The following BNIP2 variants were observed in gnomAD, a reference collection of about 807,000 sequenced individuals.
The protein encoded by BNIP2 is BCL2 interacting protein 2.
Under a neutral mutation model 43.4 loss-of-function variants are expected in BNIP2, and 36 were observed. The ratio of observed to expected loss-of-function variants is 0.83; its 90% CI spans 0.64 to 1.10. The LOEUF (loss-of-function observed/expected upper bound fraction) is 1.10. BNIP2 is among the 50% of genes least tolerant of loss of function. The pLI is 0.00. For missense variants in BNIP2, 417 were observed against 374.1 expected (o/e 1.11, Z -0.95); for synonymous variants, 146 against 121.0 (o/e 1.21, Z -1.35).
At chr15:59,681,894 A>C (rs768062188) in intron 2 of BNIP2, among the ~76,000 whole-genome samples, 3 of 152,240 alleles carry the variant, frequency 2.0e-5, no homozygotes, top group Admixed American at 6.5e-5. Context: ...TTGCAAACTT[A>C]AGTGACCAAA....
intron 9 of BNIP2, chr15:59,668,052 G>A: frequency 1.7e-6 from 2 of 1,176,490 alleles, no homozygotes; most frequent in South Asian, 1.4e-5. Context: ...GAGTTAGTCT[G>A]CAATGCAAAT....
intron 4 of BNIP2, chr15:59,678,795 A>T: frequency 7.7e-7 from 1 of 1,303,430 alleles, no homozygotes; most frequent in Non-Finnish European, 1.0e-6. Flanking sequence ...GTTGTTTCCA[A>T]GACAAAGCTG....
Position 59,671,248 on chromosome 15 carries a change from T to C in BNIP2, c.642A>G (p.Ala214=). The C allele has an allele frequency of 6.2e-7, 1 of 1,600,954 alleles. No homozygotes were observed. Among genetic ancestry groups the C allele is most frequent in the Non-Finnish European group, 8.5e-7 (1 of 1,172,868 alleles). ...ENYMIVYLNG[A]TTRRKMPSLG... Reference sequence around the variant, plus strand: ...GACTGGGCATTTTTCTTCGAGTTGTTGCACCATTTAAATAAACTATCATGT... The same window carrying C: ...GACTGGGCATTTTTCTTCGAGTTGTCGCACCATTTAAATAAACTATCATGT... Residue 214 remains alanine, a synonymous_variant, in exon 7 of 10, where the codon GCA becomes GCG. Transcript: ENST00000607373.
In BNIP2 at chr15:59,663,097, T is replaced by C. The variant is rs774736286; in HGVS notation, c.*972A>G. On this transcript the variant is annotated 3_prime_UTR_variant, in exon 10 of 10. Transcript: ENST00000607373. Reference sequence around the variant, plus strand: ...AATAATTGATATGGAAGTATTTTGGTAAAGTGCCCATAGTGAGAGTTTAAA... The same window carrying C: ...AATAATTGATATGGAAGTATTTTGGCAAAGTGCCCATAGTGAGAGTTTAAA... 3 of 152,616 alleles carry C rather than the reference T, an allele frequency of 2.0e-5. No homozygotes were observed. The highest frequency in any genetic ancestry group is 6.5e-5 in the Admixed American group (1 of 15,280). 9.5% of individuals were successfully genotyped at this position (152,616 alleles called of 1,614,324 possible). A position where few individuals can be genotyped will look rare whatever the true frequency, so the allele number is the denominator to read the frequency against.
intron 5 of BNIP2, 185 bp downstream of exon 5, chr15:59,677,726 C>T: frequency 1.8e-6 from 2 of 1,130,354 alleles, no homozygotes; most frequent in South Asian, 2.7e-5. Context: ...TGTAAAGTTA[C>T]AAAAAAAACA....
At chr15:59,666,167 A>G (rs1892555331) in intron 9 of BNIP2, among the ~76,000 whole-genome samples, 1 of 152,156 alleles carries the variant, frequency 6.6e-6, no homozygotes, top group Non-Finnish European at 1.5e-5. Context: ...TTTTTCTGTC[A>G]CTGGGGACAC....
chr15:59,678,195 T>C (rs1051947512), intron 4 of BNIP2, 108 bp from the exon 5 acceptor site: 13 of 1,427,466 alleles, frequency 9.1e-6, no homozygotes, highest in African/African-American at 4.3e-5. Context: ...CATTATACCA[T>C]CTGCACAATT....
intron 1 of BNIP2, among the ~76,000 whole-genome samples, chr15:59,686,383 T>C (rs1456455125): frequency 6.7e-6 from 1 of 150,110 alleles, no homozygotes; most frequent in Non-Finnish European, 1.5e-5. Context: ...GATCTGTCTC[T>C]ACAATTTTTT....
At chr15:59,672,061 G>A (rs1892966616) in intron 6 of BNIP2, among the ~76,000 whole-genome samples, 1 of 152,148 alleles carries the variant, frequency 6.6e-6, no homozygotes, top group Non-Finnish European at 1.5e-5. Context: ...GGGTGACAGA[G>A]TGAAACTCCA....
Position 59,661,595 on chromosome 15 carries a change from A to G in BNIP2, c.*2474T>C, listed in dbSNP as rs866033466. The G allele has an allele frequency of 6.6e-6, 1 of 152,144 alleles. No individual in the cohort carries two copies. Among genetic ancestry groups the G allele is most frequent in the African/African-American group, 2.4e-5 (1 of 41,436 alleles). 9.4% of individuals were successfully genotyped at this position (152,144 alleles called of 1,614,324 possible). On this transcript the variant is annotated 3_prime_UTR_variant, in exon 10 of 10. Transcript: ENST00000607373. Reference sequence around the variant, plus strand: ...ATCAAGCAGAACACAGAATCAAATTATTTCACATGAAAAACTTCTGACTAA... The same window carrying G: ...ATCAAGCAGAACACAGAATCAAATTGTTTCACATGAAAAACTTCTGACTAA...
chr15:59,667,763 A>T (rs1382334255), intron 9 of BNIP2, among the ~76,000 whole-genome samples: 1 of 152,258 alleles, frequency 6.6e-6, no homozygotes, highest in African/African-American at 2.4e-5. Context: ...GATTTAAAGA[A>T]AATGGTGAAA....
Position 59,679,768 on chromosome 15 carries a change from C to A in BNIP2, c.119G>T (p.Gly40Val). ...TTTATTTCCATTAACTTCTAGTGAG[C>A]CTGGAATTGGAAAATAAAGAAAAAG... ...LAITGPEDQP[G>V]SLEVNGNKVR... is the part of the protein sequence containing the mutation. Residue 40 changes from glycine (G) to valine (V), a missense_variant and splice_region_variant, in exon 4 of 10, where the codon GGC (glycine) becomes GTC (valine). Gly to Val is a moderately radical substitution (Grantham distance 109). Transcript: ENST00000607373. The A allele has an allele frequency of 6.8e-7, 1 of 1,478,752 alleles. No homozygotes were observed. The highest frequency in any genetic ancestry group is 1.4e-5 in the South Asian group (1 of 70,200). The allele number at this position is 1,478,752 out of a possible 1,614,324, so 91.6% of individuals were successfully genotyped here.
At chr15:59,672,149 T>C (rs2141997517) in intron 6 of BNIP2, 1 of 152,402 alleles carries the variant, frequency 6.6e-6, no homozygotes, top group African/African-American at 2.4e-5. Context: ...AATTTTTCTC[T>C]TGAATTGGAA....
chr15:59,673,236 C>T (rs950576598), intron 5 of BNIP2, among the ~76,000 whole-genome samples: 9 of 151,690 alleles, frequency 5.9e-5, no homozygotes, highest in Admixed American at 4.6e-4. Flanking sequence ...CTCCTGCCTC[C>T]CGAGTAGCTG....
rs1893394495 is a variant in BNIP2 at position 59,677,702 on chromosome 15, A to G, written c.472+209T>C. The G allele has an allele frequency of 4.3e-6, 5 of 1,158,466 alleles. No individual in the cohort carries two copies. The South Asian group carries it at 1.0e-4, about 23-fold the overall frequency. The allele number at this position is 1,158,466 out of a possible 1,614,324, so 71.8% of individuals were successfully genotyped here. On this transcript the variant is annotated intron_variant, in intron 5 of 9. Transcript: ENST00000607373. ...ATGTCTTGAGAAAGCTATATTTTCC[A>G]TTAGTGCCCCTTGTGTAAAGTTACA...
Position 59,676,858 on chromosome 15 carries a change from TG to T in BNIP2, c.472+1052del, listed in dbSNP as rs1425337082. ...GCCGGGAATTCTGCCTCAGCTGCCC[TG>T]GGCTCTCGCTGCGTTCGCTCACCGC... On this transcript the variant is annotated intron_variant, in intron 5 of 9. Transcript: ENST00000607373. The T allele has an allele frequency of 2.5e-5, 39 of 1,577,070 alleles. No individual in the cohort carries two copies. The African/African-American group carries it at 4.1e-4, about 16-fold the overall frequency.
chr15:59,661,468 T>C lies in BNIP2; in HGVS notation c.*2601A>G, dbSNP rs1198780964. The C allele has an allele frequency of 1.3e-5, 2 of 152,210 alleles. No homozygotes were observed. The highest frequency in any genetic ancestry group is 2.9e-5 in the Non-Finnish European group (2 of 68,050). The allele number at this position is 152,210 out of a possible 1,614,324, so 9.4% of individuals were successfully genotyped here. A position where few individuals can be genotyped will look rare whatever the true frequency, so the allele number is the denominator to read the frequency against. ...TTCCAATGCCTCTGCTAGACCCTACTTAGAATCATATTTCTTCATATCTCC... is the reference window on the plus strand; with the variant it reads ...TTCCAATGCCTCTGCTAGACCCTACCTAGAATCATATTTCTTCATATCTCC... On this transcript the variant is annotated 3_prime_UTR_variant, in exon 10 of 10. Coordinates refer to ENST00000607373, the MANE Select transcript of BNIP2 (RefSeq NM_004330.4).
chr15:59,688,871 A>C (rs1420093908), intron 1 of BNIP2: 2 of 1,489,710 alleles, frequency 1.3e-6, no homozygotes, highest in Non-Finnish European at 1.8e-6. Context: ...CCCGAGCACA[A>C]CTACCAGAAA....
chr15:59,663,627 C>G lies in BNIP2; in HGVS notation c.*442G>C, dbSNP rs1336992697. 8.5e-5 allele frequency: 13 copies of G among 152,802 alleles called. No homozygotes were observed. The highest frequency in any genetic ancestry group is 3.1e-4 in the African/African-American group (13 of 41,446). 9.5% of individuals were successfully genotyped at this position (152,802 alleles called of 1,614,324 possible). A position where few individuals can be genotyped will look rare whatever the true frequency, so the allele number is the denominator to read the frequency against. ...ACAAAAACAAAAATTCTAATATGCA[C>G]TTTAGAAAATCGTGGTCTTATATAC... On this transcript the variant is annotated 3_prime_UTR_variant, in exon 10 of 10. Transcript: ENST00000607373.
Sources: gnomAD v4.1 joint callset for allele counts (sites outside exome capture counted in the v4.1 genomes callset) on GRCh38, gnomAD v4.1.1 for gene constraint, MANE v1.5 for transcripts, NCBI Gene and HGNC (gene_info 2026-07-23, HGNC 2026-07-21) for gene names.